FBXL17: variants seen among roughly 807,000 people sequenced by gnomAD.
FBXL17 encodes the protein F-box/LRR-repeat protein 17.
Under a neutral mutation model 66.2 loss-of-function variants are expected in FBXL17, and 22 were observed. The ratio of observed to expected loss-of-function variants is 0.33; its 90% CI spans 0.24 to 0.47. The LOEUF (loss-of-function observed/expected upper bound fraction) is 0.47, where lower values mean the gene tolerates loss of function less well. Ranked by LOEUF, FBXL17 falls within the 20% of genes least tolerant of loss-of-function variation. FBXL17 has a pLI of 1.00. For synonymous variants in FBXL17, 474 were observed against 400.5 expected (o/e 1.18, Z -2.19); for missense variants, 878 against 948.2 (o/e 0.93, Z 0.97).
intron 5 of FBXL17, among the ~76,000 whole-genome samples, chr5:108,203,414 T>A (rs1286485983): frequency 6.6e-6 from 1 of 152,126 alleles, no homozygotes; most frequent in Non-Finnish European, 1.5e-5. Flanking sequence ...GAAAAAAATA[T>A]CAATTAATGG....
At chr5:107,905,880 G>A (rs750761987) in intron 7 of FBXL17, among the ~76,000 whole-genome samples, 7 of 152,120 alleles carry the variant, frequency 4.6e-5, no homozygotes, top group Non-Finnish European at 1.0e-4. Context: ...GCCTCCTGTG[G>A]TAATTTGTGT....
intron 6 of FBXL17, among the ~76,000 whole-genome samples, chr5:108,123,612 C>T (rs926088403): frequency 2.6e-5 from 4 of 152,198 alleles, no homozygotes; most frequent in Middle Eastern, 3.4e-3. Context: ...AAAAAAACAG[C>T]AATCTGAATG....
intron 7 of FBXL17, among the ~76,000 whole-genome samples, chr5:107,884,622 T>A (rs149934683): frequency 6.6e-6 from 1 of 152,244 alleles, no homozygotes; most frequent in Non-Finnish European, 1.5e-5. Context: ...TTGGACAGTT[T>A]TTCATTGTTG....
rs545137110 is a variant in FBXL17, at chr5:108,131,721, T to C, written c.1745+54396A>G. On this transcript the variant is annotated intron_variant, in intron 6 of 8. Transcript: ENST00000542267. The stretch of plus-strand genomic sequence containing the variant: ...ATTATTATAGTATTTGTTATAATTA[T>C]GAATGCTAATTATTATATGGCTACA... 2.4e-4 allele frequency among the ~76,000 whole-genome samples: 36 copies of C among 152,280 alleles called. No homozygotes were observed. In the East Asian group the frequency reaches 6.8e-3, roughly 29 times the overall value.
At chr5:108,074,307 AAG>A (rs1273893553) in intron 6 of FBXL17, among the ~76,000 whole-genome samples, 2 of 120,288 alleles carry the variant, frequency 1.7e-5, no homozygotes, top group African/African-American at 6.3e-5. Context: ...GAGATTTGAA[AAG>A]ATTTTTTTTT....
At chr5:107,981,214 G>T (rs172305) in intron 7 of FBXL17, among the ~76,000 whole-genome samples, 1 of 151,984 alleles carries the variant, frequency 6.6e-6, no homozygotes, top group Non-Finnish European at 1.5e-5. Flanking sequence ...TGCTAGAAAG[G>T]AGTTGGAGAT....
intron 7 of FBXL17, among the ~76,000 whole-genome samples, chr5:108,009,306 T>TATAC (rs1754086511): frequency 1.7e-4 from 3 of 17,440 alleles, no homozygotes; most frequent in African/African-American, 5.0e-4. Context: ...TATATACATA[T>TATAC]ATACATACAC....
At chr5:108,087,852 G>C (rs1376747866) in intron 6 of FBXL17, among the ~76,000 whole-genome samples, 1 of 152,096 alleles carries the variant, frequency 6.6e-6, no homozygotes, top group Non-Finnish European at 1.5e-5. Flanking sequence ...TTAATAAATT[G>C]AAGTAATACA....
At chr5:108,375,154 G>C (rs1000534467) in intron 1 of FBXL17, among the ~76,000 whole-genome samples, 1 of 152,078 alleles carries the variant, frequency 6.6e-6, no homozygotes, top group Non-Finnish European at 1.5e-5. Flanking sequence ...AGGAGTTTGA[G>C]ACCAGCCTGG....
intron 6 of FBXL17, among the ~76,000 whole-genome samples, chr5:108,133,223 C>CGAGG (rs926147648): frequency 6.6e-6 from 1 of 151,986 alleles, no homozygotes; most frequent in Non-Finnish European, 1.5e-5. Context: ...TCCCATAAAC[C>CGAGG]ACCTCCTCTT....
intron 6 of FBXL17, among the ~76,000 whole-genome samples, chr5:108,060,463 T>A (rs1244913532): frequency 6.6e-6 from 1 of 152,166 alleles, no homozygotes; most frequent in Non-Finnish European, 1.5e-5. Context: ...CTTTTTGATA[T>A]ATTTTTTACA....
intron 6 of FBXL17, among the ~76,000 whole-genome samples, chr5:108,091,115 A>C (rs1749172299): frequency 1.3e-5 from 2 of 152,220 alleles, no homozygotes; most frequent in African/African-American, 4.8e-5. Flanking sequence ...AAACGAAACA[A>C]AACCTTACAA....
intron 6 of FBXL17, among the ~76,000 whole-genome samples, chr5:108,085,725 A>G (rs535629435): frequency 6.6e-6 from 1 of 152,310 alleles, no homozygotes; most frequent in African/African-American, 2.4e-5. Context: ...GCTTGAGTCC[A>G]GGAGTTTGAG....
chr5:108,160,155 T>G (rs1752152701), intron 6 of FBXL17, among the ~76,000 whole-genome samples: 1 of 152,206 alleles, frequency 6.6e-6, no homozygotes, highest in Admixed American at 6.5e-5. Context: ...ATCTTAAAAT[T>G]TATGATGAGC....
At chr5:108,155,234 A>T (rs1751947940) in intron 6 of FBXL17, among the ~76,000 whole-genome samples, 1 of 152,138 alleles carries the variant, frequency 6.6e-6, no homozygotes, top group Non-Finnish European at 1.5e-5. Context: ...TACAAATTTT[A>T]GGCTGGGCGC....
intron 6 of FBXL17, among the ~76,000 whole-genome samples, chr5:108,101,195 T>G (rs1749586432): frequency 6.6e-6 from 1 of 152,214 alleles, no homozygotes; most frequent in African/African-American, 2.4e-5. Flanking sequence ...GAGCTTTGCT[T>G]TCAAAGTTTA....
At chr5:108,150,993 T>C (rs973011722) in intron 6 of FBXL17, among the ~76,000 whole-genome samples, 2 of 152,182 alleles carry the variant, frequency 1.3e-5, no homozygotes, top group African/African-American at 4.8e-5. Context: ...GGGTCTCTTA[T>C]TCCTTTTGGT....
At chr5:108,238,579 C>T (rs1239276865) in intron 4 of FBXL17, among the ~76,000 whole-genome samples, 3 of 152,030 alleles carry the variant, frequency 2.0e-5, no homozygotes, top group African/African-American at 7.3e-5. Flanking sequence ...GGTGCAATCA[C>T]AGCTCACTGC....
intron 8 of FBXL17, among the ~76,000 whole-genome samples, chr5:107,870,923 G>A (rs933615353): frequency 6.6e-6 from 1 of 151,752 alleles, no homozygotes; most frequent in African/African-American, 2.4e-5. Context: ...GCCTAAAAGC[G>A]ACCTGCTAAA....
Sources: gnomAD v4.1 joint callset for allele counts (sites outside exome capture counted in the v4.1 genomes callset) on GRCh38, gnomAD v4.1.1 for gene constraint, MANE v1.5 for transcripts, NCBI Gene and HGNC (gene_info 2026-07-23, HGNC 2026-07-21) for gene names.